The following QTMAN variants were observed in gnomAD, a reference collection of about 807,000 sequenced individuals.
QTMAN encodes the protein tRNA-queuosine alpha-mannosyltransferase.
At chr2:144,222,809 GA>G in the QTMAN span, among the ~76,000 whole-genome samples, 25 of 152,112 alleles carry the variant, frequency 1.6e-4, no homozygotes, top group Non-Finnish European at 3.4e-4. Flanking sequence ...CTCTGTCACA[GA>G]AAAAAGAAAA....
the QTMAN span, among the ~76,000 whole-genome samples, chr2:144,142,805 T>A: frequency 1.3e-5 from 2 of 151,988 alleles, no homozygotes; most frequent in South Asian, 4.1e-4. Context: ...CGCAACACCA[T>A]GATCTTCGAA....
the QTMAN span, among the ~76,000 whole-genome samples, chr2:144,106,963 C>T: frequency 6.6e-6 from 1 of 152,154 alleles, no homozygotes. Context: ...CACTCAAAAC[C>T]TCTCTACTAC....
At chr2:144,260,408 A>G in the QTMAN span, among the ~76,000 whole-genome samples, 1 of 152,168 alleles carries the variant, frequency 6.6e-6, no homozygotes, top group Non-Finnish European at 1.5e-5. Flanking sequence ...ATGATTATTT[A>G]TGTGTAGTAG....
At chr2:144,246,579 C>CAA in the QTMAN span, among the ~76,000 whole-genome samples, 509 of 45,522 alleles carry the variant, frequency 0.011, 8 homozygotes, top group African/African-American at 0.015. Context: ...GACTCCGTCT[C>CAA]AAAAAAAAAA....
the QTMAN span, among the ~76,000 whole-genome samples, chr2:144,031,177 G>T: frequency 6.6e-6 from 1 of 151,002 alleles, no homozygotes; most frequent in South Asian, 2.1e-4. Context: ...CTGGGATGGG[G>T]CCTGACAACT....
chr2:144,154,027 T>A, the QTMAN span, among the ~76,000 whole-genome samples: 1 of 152,200 alleles, frequency 6.6e-6, no homozygotes, highest in Admixed American at 6.6e-5. Flanking sequence ...CTTTTTCACT[T>A]ACTCCACACT....
the QTMAN span, among the ~76,000 whole-genome samples, chr2:144,149,407 T>C: frequency 1.3e-5 from 2 of 152,024 alleles, no homozygotes; most frequent in African/African-American, 4.8e-5. Context: ...AGTTGAGCAA[T>C]CTTTCACAAA....
chr2:143,980,564 T>C, the QTMAN span, among the ~76,000 whole-genome samples: 1 of 152,230 alleles, frequency 6.6e-6, no homozygotes, highest in African/African-American at 2.4e-5. Context: ...TGTGTGTATT[T>C]TGCTATTTGT....
chr2:144,217,296 T>C, the QTMAN span, among the ~76,000 whole-genome samples: 1 of 152,108 alleles, frequency 6.6e-6, no homozygotes, highest in Non-Finnish European at 1.5e-5. Context: ...AATCCAGGTC[T>C]TCCAACTCCA....
chr2:144,061,059 T>C, the QTMAN span, among the ~76,000 whole-genome samples: 2 of 152,168 alleles, frequency 1.3e-5, no homozygotes, highest in African/African-American at 4.8e-5. Context: ...AGTGTCCTTG[T>C]TAAGTATGAA....
the QTMAN span, among the ~76,000 whole-genome samples, chr2:144,137,410 C>A: frequency 5.3e-5 from 8 of 151,568 alleles, no homozygotes; most frequent in African/African-American, 1.9e-4. Context: ...ATATTTTTTT[C>A]AAAATGGTTT....
chr2:144,283,561 A>C, the QTMAN span, among the ~76,000 whole-genome samples: 6 of 152,184 alleles, frequency 3.9e-5, no homozygotes, highest in African/African-American at 1.4e-4. Flanking sequence ...AATAAATCTT[A>C]ATTTTTATAT....
the QTMAN span, among the ~76,000 whole-genome samples, chr2:144,198,464 G>T: frequency 6.6e-6 from 1 of 152,118 alleles, no homozygotes; most frequent in African/African-American, 2.4e-5. Context: ...AGAGGTACTC[G>T]CAGATAATGC....
At chr2:144,165,253 C>T in the QTMAN span, among the ~76,000 whole-genome samples, 2 of 151,994 alleles carry the variant, frequency 1.3e-5, no homozygotes, top group Admixed American at 6.5e-5. Context: ...GCCTGTAGTC[C>T]CAGCTACTCA....
chr2:144,162,939 A>T, the QTMAN span, among the ~76,000 whole-genome samples: 80 of 152,322 alleles, frequency 5.3e-4, 1 homozygote, highest in Admixed American at 1.1e-3. Flanking sequence ...AGAAACAAAA[A>T]GAGGGTGAAG....
the QTMAN span, among the ~76,000 whole-genome samples, chr2:144,180,759 T>C: frequency 3.3e-5 from 5 of 152,302 alleles, no homozygotes; most frequent in African/African-American, 1.2e-4. Flanking sequence ...AGTCCGTATA[T>C]TGGTTTTCCT....
At chr2:144,209,067 T>A in the QTMAN span, among the ~76,000 whole-genome samples, 3 of 152,232 alleles carry the variant, frequency 2.0e-5, no homozygotes, top group African/African-American at 7.2e-5. Context: ...CTATGACTCT[T>A]AGTTTTTTCT....
the QTMAN span, among the ~76,000 whole-genome samples, chr2:144,078,701 T>A: frequency 3.3e-5 from 5 of 152,186 alleles, no homozygotes; most frequent in Non-Finnish European, 7.4e-5. Context: ...CTGAGCATTT[T>A]CATACTAACA....
chr2:144,243,674 T>A, the QTMAN span, among the ~76,000 whole-genome samples: 2 of 152,164 alleles, frequency 1.3e-5, no homozygotes, highest in Non-Finnish European at 2.9e-5. Flanking sequence ...AACAATGATA[T>A]CAAAAGGCAT....
Sources: allele counts gnomAD v4.1 joint callset (sites outside exome capture counted in the v4.1 genomes callset), GRCh38; gene constraint gnomAD v4.1.1; transcripts MANE v1.5; gene names NCBI Gene and HGNC (gene_info 2026-07-23, HGNC 2026-07-21).